AQR: variants seen among roughly 807,000 people sequenced by gnomAD.
AQR encodes the protein RNA helicase aquarius.
A neutral mutation model predicts 180.5 loss-of-function variants in AQR; 61 were observed. The ratio of observed to expected loss-of-function variants is 0.34; its 90% CI spans 0.28 to 0.42. The LOEUF (loss-of-function observed/expected upper bound fraction) is 0.42, where lower values mean the gene tolerates loss of function less well. AQR is among the 10% of genes least tolerant of loss of function. The probability of loss-of-function intolerance (pLI) is 1.00; values close to 1 mark genes in which losing one functional copy is unlikely to be tolerated. For synonymous variants in AQR, 551 were observed against 588.8 expected, an observed-to-expected ratio of 0.94 and a Z score of 0.93; for missense variants, 1,281 against 1,798.3, an observed-to-expected ratio of 0.71 and a Z score of 5.20.
At chr15:34,858,892 A>T (rs750472816) in intron 34 of AQR, among the ~76,000 whole-genome samples, 2 of 152,230 alleles carry the variant, frequency 1.3e-5, no homozygotes, top group Non-Finnish European at 2.9e-5. Context: ...CAGACAAATG[A>T]ATAAAACTCA....
chr15:34,860,039 C>A lies in AQR; in HGVS notation c.4143+3G>T. On this transcript the variant is annotated splice_donor_region_variant and intron_variant, in intron 34 of 34. Transcript: ENST00000156471. ...AAATAAAAGTCGATTTTGAGAAACTCACCTGATGATAATGATGTGTAGTCT... is the reference window on the plus strand; with the variant it reads ...AAATAAAAGTCGATTTTGAGAAACTAACCTGATGATAATGATGTGTAGTCT... 7.4e-7 allele frequency: 1 copy of A among 1,346,502 alleles called. No individual in the cohort carries two copies. The highest frequency in any genetic ancestry group is 9.8e-7 in the Non-Finnish European group (1 of 1,022,098). The allele number at this position is 1,346,502 out of a possible 1,614,324, so 83.4% of individuals were successfully genotyped here. A position where few individuals can be genotyped will look rare whatever the true frequency, so the allele number is the denominator to read the frequency against.
At position 34,856,920 on chromosome 15, in the gene AQR, C is replaced by T; in HGVS notation, c.4330G>A (p.Ala1444Thr). 1.9e-6 allele frequency: 3 copies of T among 1,614,048 alleles called. No homozygotes were observed. The highest frequency in any genetic ancestry group is 2.5e-6 in the Non-Finnish European group (3 of 1,179,994). Residue 1444 changes from alanine to threonine, a missense_variant, in exon 35 of 35, where the codon GCC becomes ACC. By Grantham distance (58) the Ala-to-Thr change is moderately conservative. This residue lies in a region of AQR where 182 missense variants were observed against 185.3 expected (regional missense o/e 0.98). Coordinates refer to ENST00000156471, the MANE Select transcript of AQR (RefSeq NM_014691.3). The stretch of plus-strand genomic sequence containing the variant: ...GGGATGGCTTCTGGAGTGGAAGTGG[C>T]TCCTGTCTCACTGGGGGTGGTGTCA... ...QTDTTPSETGATSTPEAIPAL... is the reference protein window; with the variant it reads ...QTDTTPSETGTTSTPEAIPAL...
At chr15:34,963,979 A>G (rs1466577416) in intron 2 of AQR, among the ~76,000 whole-genome samples, 6 of 152,154 alleles carry the variant, frequency 3.9e-5, no homozygotes, top group Non-Finnish European at 2.9e-5. Context: ...CATTTTTGTT[A>G]AGGCTTAAAG....
intron 11 of AQR, among the ~76,000 whole-genome samples, chr15:34,930,818 C>CTTTTTTTTTTTT (rs77229498): frequency 9.4e-5 from 8 of 84,760 alleles, no homozygotes; most frequent in Non-Finnish European, 1.5e-4. Flanking sequence ...TACGCCACTT[C>CTTTTTTTTTTTT]TTTTTTTTTT....
At chr15:34,913,626 C>T (rs1006598643) in intron 16 of AQR, among the ~76,000 whole-genome samples, 12 of 152,216 alleles carry the variant, frequency 7.9e-5, no homozygotes, top group African/African-American at 2.9e-4. Flanking sequence ...ATTTTTGTTG[C>T]ACTTGGCATT....
chr15:34,871,421 C>T (rs555623598), intron 30 of AQR, among the ~76,000 whole-genome samples: 6 of 150,538 alleles, frequency 4.0e-5, no homozygotes, highest in Non-Finnish European at 4.4e-5. Flanking sequence ...GTGGGGGGAT[C>T]GCTTAAGCTT....
At chr15:34,915,805 G>C (rs1420950473) in intron 15 of AQR, among the ~76,000 whole-genome samples, 1 of 151,926 alleles carries the variant, frequency 6.6e-6, no homozygotes, top group East Asian at 2.0e-4. Context: ...TATTAGCTGG[G>C]TGTCATGGCG....
chr15:34,950,685 TG>T (rs1894215167), intron 4 of AQR, among the ~76,000 whole-genome samples: 1 of 152,136 alleles, frequency 6.6e-6, no homozygotes, highest in African/African-American at 2.4e-5. Flanking sequence ...TTCTTGGTGG[TG>T]GGGGCAGGGG....
At chr15:34,952,186 G>T (rs535085372) in intron 4 of AQR, among the ~76,000 whole-genome samples, 51 of 152,242 alleles carry the variant, frequency 3.3e-4, no homozygotes, top group African/African-American at 1.2e-3. Context: ...AAAACCATGA[G>T]CTTTGGCATC....
chr15:34,911,742 C>T (rs1010534279), intron 16 of AQR, among the ~76,000 whole-genome samples: 1 of 152,060 alleles, frequency 6.6e-6, no homozygotes, highest in African/African-American at 2.4e-5. Context: ...TGTAAGGCTG[C>T]CTTTTCATTT....
At position 34,882,437 on chromosome 15, in the gene AQR, T is replaced by C. The variant is rs1892985194; in HGVS notation, c.3165+65A>G. 5 of 1,334,546 alleles carry C rather than the reference T, an allele frequency of 3.7e-6. No individual in the cohort carries two copies. The South Asian group carries it at 8.0e-5, about 21-fold the overall frequency. 82.7% of individuals were successfully genotyped at this position (1,334,546 alleles called of 1,614,324 possible). ...AAGGTAATTATAAATACGAACTTCA[T>C]AAGAAGTGAGCCAATCTCTGATAAT... On this transcript the variant is annotated intron_variant, in intron 27 of 34. Transcript: ENST00000156471.
chr15:34,893,621 A>ACACG, intron 23 of AQR, 42 bp downstream of exon 23: 2 of 1,389,794 alleles, frequency 1.4e-6, no homozygotes, highest in Admixed American at 1.8e-5. Context: ...ACACACACAC[A>ACACG]CACACACACA....
chr15:34,967,027 C>T (rs1382599134), intron 1 of AQR, among the ~76,000 whole-genome samples: 2 of 152,000 alleles, frequency 1.3e-5, no homozygotes, highest in African/African-American at 4.8e-5. Flanking sequence ...CAGGCATGCA[C>T]CACCACGTCC....
chr15:34,871,848 T>G (rs1020476491), intron 30 of AQR, among the ~76,000 whole-genome samples: 8 of 151,836 alleles, frequency 5.3e-5, no homozygotes, highest in Non-Finnish European at 1.0e-4. Flanking sequence ...CTTATTCAAC[T>G]TAAAGGTGAG....
At chr15:34,930,821 T>C (rs1266618417) in intron 11 of AQR, among the ~76,000 whole-genome samples, 1 of 30,836 alleles carries the variant, frequency 3.2e-5, no homozygotes, top group Admixed American at 2.3e-4. Flanking sequence ...GCCACTTCTT[T>C]TTTTTTTTTT....
chr15:34,893,607 G>A lies in AQR; in HGVS notation c.2571+56C>T, dbSNP rs1218624324. 8.0e-6 allele frequency: 8 copies of A among 999,568 alleles called. No individual in the cohort carries two copies. In the East Asian group the frequency reaches 1.1e-4, roughly 14 times the overall value. The allele number at this position is 999,568 out of a possible 1,614,324, so 61.9% of individuals were successfully genotyped here. ...CATACCCATGTGCATGCGCATGCGT[G>A]CACACACACACACACACACACACAC... On this transcript the variant is annotated intron_variant, in intron 23 of 34. Coordinates refer to ENST00000156471, the MANE Select transcript of AQR (RefSeq NM_014691.3).
chr15:34,859,225 A>T (rs553135058), intron 34 of AQR, among the ~76,000 whole-genome samples: 1 of 152,344 alleles, frequency 6.6e-6, no homozygotes, highest in East Asian at 1.9e-4. Flanking sequence ...ATACAGCCTA[A>T]TAAAAAAATG....
intron 13 of AQR, among the ~76,000 whole-genome samples, chr15:34,926,474 T>C (rs1283009957): frequency 6.6e-6 from 1 of 152,184 alleles, no homozygotes; most frequent in East Asian, 1.9e-4. Context: ...CTAGGCAAAT[T>C]ACTTAACTAT....
chr15:34,947,918 A>T (rs1333915604), intron 5 of AQR, among the ~76,000 whole-genome samples: 1 of 152,218 alleles, frequency 6.6e-6, no homozygotes, highest in Non-Finnish European at 1.5e-5. Flanking sequence ...GATTATAGGC[A>T]TGAGTGACAG....
Sources: gnomAD v4.1 joint callset for allele counts (sites outside exome capture counted in the v4.1 genomes callset) on GRCh38, gnomAD v4.1.1 for gene constraint, gnomAD v4.1.1 regional missense constraint, MANE v1.5 for transcripts, NCBI Gene and HGNC (gene_info 2026-07-23, HGNC 2026-07-21) for gene names.